Variants in ERCC8 observed in about 807,000 individuals in gnomAD.
The protein encoded by ERCC8 is DNA excision repair protein ERCC-8.
A neutral mutation model predicts 54.9 loss-of-function variants in ERCC8; 52 were observed. The observed-to-expected ratio is 0.95, with a 90% CI of 0.76 to 1.19. The LOEUF (loss-of-function observed/expected upper bound fraction) is 1.19. Ranked by LOEUF, ERCC8 falls within the 50% of genes most tolerant of loss-of-function variation. The pLI, the probability that ERCC8 is intolerant of heterozygous loss-of-function variation, is 0.00. For synonymous variants in ERCC8, 146 were observed against 157.2 expected (o/e 0.93, Z 0.53); for missense variants, 514 against 466.1 (o/e 1.10, Z -0.95).
intron 4 of ERCC8, among the ~76,000 whole-genome samples, chr5:60,908,583 A>ATTT (rs3031040): frequency 0.016 from 2,206 of 141,836 alleles, 19 homozygotes; most frequent in South Asian, 0.021. Context: ...ATATATATAT[A>ATTT]TTTTTTTTTT....
chr5:60,927,903 G>A (rs1466048689), intron 2 of ERCC8, among the ~76,000 whole-genome samples: 1 of 152,140 alleles, frequency 6.6e-6, no homozygotes, highest in South Asian at 2.1e-4. Context: ...AGTAAAAAGT[G>A]GAAGTTTATC....
At position 60,902,474 on chromosome 5, in the gene ERCC8, A is replaced by C; in HGVS notation, c.585T>G (p.Ser195=). The change falls in exon 7 of 12, where the codon TCT becomes TCG. Residue 195 remains serine, a synonymous_variant. Transcript: ENST00000676185. The part of the protein sequence containing the change: ...HRQEILAVSW[S]PRYDYILATA... ...TTGCCAAGATATAGTCATAACGTGGAGACCAGGAAACTGCTAATATTTCTT... is the reference window on the plus strand; with the variant it reads ...TTGCCAAGATATAGTCATAACGTGGCGACCAGGAAACTGCTAATATTTCTT... The C allele has an allele frequency of 6.2e-7, 1 of 1,612,526 alleles. No individual in the cohort carries two copies. The highest frequency in any genetic ancestry group is 8.5e-7 in the Non-Finnish European group (1 of 1,178,816).
chr5:60,891,075 T>A lies in ERCC8; in HGVS notation c.855A>T (p.Gly285=). Residue 285 remains glycine, a synonymous_variant, in exon 10 of 12, where the codon GGA becomes GGT. Coordinates refer to ENST00000676185, the MANE Select transcript of ERCC8 (RefSeq NM_000082.4). The part of the protein sequence containing the change: ...SNGENTLVNY[G]KVCNNSKKGL... ...CTTTTTTACTGTTATTACAAACTTT[T>A]CCATAGTTCACCTGTAGGATTAAAA... The A allele has an allele frequency of 6.2e-7, 1 of 1,606,444 alleles. No homozygotes were observed. The highest frequency in any genetic ancestry group is 1.3e-5 in the African/African-American group (1 of 74,908).
intron 5 of ERCC8, 119 bp from the exon 6 acceptor site, chr5:60,903,835 T>C (rs550212355): frequency 2.1e-6 from 2 of 938,430 alleles, no homozygotes; most frequent in South Asian, 1.5e-5. Context: ...TATGAAGATA[T>C]ATGCCAAAAT....
chr5:60,904,929 T>C, intron 4 of ERCC8, 56 bp from the exon 5 acceptor site: 1 of 885,622 alleles, frequency 1.1e-6, no homozygotes, highest in Non-Finnish European at 1.9e-6. Context: ...AACAAAGCAA[T>C]AAATTTTCTA....
At chr5:60,879,304 T>G (rs1378870090) in intron 11 of ERCC8, among the ~76,000 whole-genome samples, 3 of 152,230 alleles carry the variant, frequency 2.0e-5, no homozygotes, top group Non-Finnish European at 4.4e-5. Context: ...TGGTCAATTT[T>G]GGAATAGGTG....
At chr5:60,924,901 ATAACT>A (rs1261061351) in intron 2 of ERCC8, among the ~76,000 whole-genome samples, 4 of 152,042 alleles carry the variant, frequency 2.6e-5, no homozygotes, top group South Asian at 2.1e-4. Context: ...AGGTTTTCTA[ATAACT>A]TAACATTATT....
chr5:60,924,693 G>C (rs1682906011), intron 2 of ERCC8, among the ~76,000 whole-genome samples: 1 of 151,840 alleles, frequency 6.6e-6, no homozygotes, highest in African/African-American at 2.4e-5. Context: ...GATCTTCTTT[G>C]CCTATGTTCT....
At chr5:60,908,096 G>T (rs1179613758) in intron 4 of ERCC8, among the ~76,000 whole-genome samples, 1 of 151,758 alleles carries the variant, frequency 6.6e-6, no homozygotes, top group African/African-American at 2.4e-5. Flanking sequence ...TCATTTTTCT[G>T]TCCTATTTAT....
At chr5:60,924,334 T>C (rs1749689126) in intron 2 of ERCC8, 1 of 152,928 alleles carries the variant, frequency 6.5e-6, no homozygotes, top group Non-Finnish European at 1.5e-5. Flanking sequence ...TCTGGTTGAA[T>C]GATTTCATTC....
intron 9 of ERCC8, chr5:60,893,526 A>G: frequency 1.3e-6 from 1 of 769,166 alleles, no homozygotes; most frequent in Non-Finnish European, 2.3e-6. Flanking sequence ...GGCTTCTTAC[A>G]GCCCTTGGAA....
chr5:60,880,599 C>T (rs1554071997), intron 11 of ERCC8, among the ~76,000 whole-genome samples: 1 of 152,144 alleles, frequency 6.6e-6, no homozygotes, highest in Non-Finnish European at 1.5e-5. Context: ...TCTCTTCTCA[C>T]TTCATTTCAT....
At chr5:60,904,703 G>C (rs2112495021) in intron 5 of ERCC8, 89 bp downstream of exon 5, 1 of 452,130 alleles carries the variant, frequency 2.2e-6, no homozygotes, top group African/African-American at 2.2e-5. Context: ...ATATTCCTCT[G>C]GGTTAAAATG....
At chr5:60,931,179 G>A (rs1749898563) in intron 1 of ERCC8, among the ~76,000 whole-genome samples, 1 of 151,988 alleles carries the variant, frequency 6.6e-6, no homozygotes, top group African/African-American at 2.4e-5. Context: ...GTAATAAGTG[G>A]TAGTCCCAGG....
At chr5:60,915,045 T>A (rs1749391428) in intron 4 of ERCC8, 1 of 152,064 alleles carries the variant, frequency 6.6e-6, no homozygotes, top group Non-Finnish European at 1.5e-5. Flanking sequence ...CTTGTAATTT[T>A]CCATATAATG....
At chr5:60,943,733 T>C (rs938580315) in intron 1 of ERCC8, among the ~76,000 whole-genome samples, 2 of 152,170 alleles carry the variant, frequency 1.3e-5, no homozygotes, top group Non-Finnish European at 2.9e-5. Context: ...ACATGCTGAT[T>C]GTGGCAACAA....
rs1005665519 is a variant in ERCC8, at chr5:60,869,650, A to G, written c.*4965T>C. ...CTTAATTCTAAAGTAAAGGCATGGT[A>G]GCAAGTTTAAAAGAGAGGTCAAGCT... On this transcript the variant is annotated 3_prime_UTR_variant, in exon 12 of 12. Coordinates refer to ENST00000676185, the MANE Select transcript of ERCC8 (RefSeq NM_000082.4). Among the ~76,000 whole-genome samples the G allele has an allele frequency of 2.0e-5, 3 of 152,224 alleles. No individual in the cohort carries two copies. The highest frequency in any genetic ancestry group is 4.4e-5 in the Non-Finnish European group (3 of 68,026).
intron 2 of ERCC8, among the ~76,000 whole-genome samples, chr5:60,927,243 G>T (rs183816436): frequency 6.6e-6 from 1 of 152,278 alleles, no homozygotes; most frequent in African/African-American, 2.4e-5. Context: ...CTGATTTTCA[G>T]TGACACCTTT....
intron 2 of ERCC8, chr5:60,924,492 G>A (rs1049719793): frequency 1.9e-5 from 3 of 154,438 alleles, no homozygotes; most frequent in Middle Eastern, 1.0e-3. Context: ...GAGCATCTTG[G>A]ATAAGAAGCT....
Sources: allele counts gnomAD v4.1 joint callset (sites outside exome capture counted in the v4.1 genomes callset), GRCh38; gene constraint gnomAD v4.1.1; transcripts MANE v1.5; gene names NCBI Gene and HGNC (gene_info 2026-07-23, HGNC 2026-07-21).